FBXO15: variants seen among roughly 807,000 people sequenced by gnomAD.
FBXO15 encodes F-box protein 15.
A neutral mutation model predicts 49.5 loss-of-function variants in FBXO15; 30 were observed. That is an observed-to-expected ratio of 0.61 (90% confidence interval 0.45 to 0.82). The LOEUF (loss-of-function observed/expected upper bound fraction) is 0.82, where lower values mean the gene tolerates loss of function less well. Ranked by LOEUF, FBXO15 falls within the 40% of genes least tolerant of loss-of-function variation. The pLI is 0.00. For synonymous variants in FBXO15, 250 were observed against 232.7 expected, an observed-to-expected ratio of 1.07 and a Z score of -0.68; for missense variants, 591 against 631.5, an observed-to-expected ratio of 0.94 and a Z score of 0.69.
chr18:74,124,876 A>C (rs1914639815), intron 6 of FBXO15, among the ~76,000 whole-genome samples: 1 of 152,250 alleles, frequency 6.6e-6, no homozygotes, highest in African/African-American at 2.4e-5. Flanking sequence ...GAAACTATGC[A>C]GTTAGTTCCA....
At chr18:74,119,857 G>C (rs1258018137) in intron 8 of FBXO15, among the ~76,000 whole-genome samples, 1 of 152,146 alleles carries the variant, frequency 6.6e-6, no homozygotes, top group African/African-American at 2.4e-5. Flanking sequence ...AGGTTTAAAG[G>C]GGAAGGAGAG....
intron 8 of FBXO15, among the ~76,000 whole-genome samples, chr18:74,120,819 A>G (rs995346181): frequency 2.0e-5 from 3 of 152,126 alleles, no homozygotes; most frequent in African/African-American, 7.2e-5. Flanking sequence ...ATAGAAATCA[A>G]CATGCAAATC....
intron 8 of FBXO15, chr18:74,097,565 G>A (rs372028614): frequency 2.0e-5 from 3 of 152,414 alleles, no homozygotes; most frequent in South Asian, 2.1e-4. Context: ...CTCCATTGAT[G>A]TGGGAACCAC....
At position 74,114,769 on chromosome 18, in the gene FBXO15, G is replaced by T. The variant is rs148121212; in HGVS notation, c.1138+8599C>A. 1.2e-4 allele frequency among the ~76,000 whole-genome samples: 19 copies of T among 152,264 alleles called. No homozygotes were observed. The East Asian group carries it at 2.3e-3, about 19-fold the overall frequency. On this transcript the variant is annotated intron_variant, in intron 8 of 9. Coordinates refer to ENST00000419743, the MANE Select transcript of FBXO15 (RefSeq NM_001142958.2). ...GGGATCATACATTTTTCTTTGAAAA[G>T]AAATTAGATCCTTTTTAAAATTTTC...
At chr18:74,090,007 A>T in intron 8 of FBXO15, among the ~76,000 whole-genome samples, 1 of 152,040 alleles carries the variant, frequency 6.6e-6, no homozygotes, top group African/African-American at 2.4e-5. Flanking sequence ...GCTCTTCTTT[A>T]TACAGCTGGT....
intron 8 of FBXO15, among the ~76,000 whole-genome samples, chr18:74,118,170 GTAT>G (rs1914314548): frequency 1.3e-5 from 2 of 151,820 alleles, no homozygotes; most frequent in Non-Finnish European, 2.9e-5. Flanking sequence ...GCTAATTTTT[GTAT>G]TTTTTTGTAG....
At chr18:74,085,587 C>T (rs1016055279) in intron 8 of FBXO15, among the ~76,000 whole-genome samples, 3 of 152,040 alleles carry the variant, frequency 2.0e-5, no homozygotes, top group Non-Finnish European at 4.4e-5. Flanking sequence ...AGTGAGACTC[C>T]GTCTCAAAAC....
chr18:74,130,411 C>A lies in FBXO15; in HGVS notation c.575+5G>T, dbSNP rs972897431. On this transcript the variant is annotated splice_donor_5th_base_variant and intron_variant, in intron 4 of 9. Coordinates refer to ENST00000419743, the MANE Select transcript of FBXO15 (RefSeq NM_001142958.2). ...CATCATTCTCTTTTGGAACACACTG[C>A]GTACCTGAGGGCCTCTTTGGTCTTA... is the stretch of plus-strand genomic sequence containing the variant. The A allele has an allele frequency of 6.2e-7, 1 of 1,613,792 alleles. No individual in the cohort carries two copies. Among genetic ancestry groups the A allele is most frequent in the African/African-American group, 1.3e-5 (1 of 74,876 alleles).
At chr18:74,144,077 A>G (rs1979253340) in intron 1 of FBXO15, among the ~76,000 whole-genome samples, 1 of 152,258 alleles carries the variant, frequency 6.6e-6, no homozygotes, top group African/African-American at 2.4e-5. Flanking sequence ...ATAACTGAGA[A>G]AGCAGGTTAT....
intron 7 of FBXO15, 145 bp from the exon 8 acceptor site, chr18:74,123,655 C>A: frequency 1.1e-6 from 1 of 888,646 alleles, no homozygotes; most frequent in Non-Finnish European, 1.7e-6. Context: ...CTATAATCTT[C>A]AATACTGTGA....
At chr18:74,123,809 G>T (rs959141665) in intron 7 of FBXO15, among the ~76,000 whole-genome samples, 3 of 152,070 alleles carry the variant, frequency 2.0e-5, no homozygotes, top group African/African-American at 7.2e-5. Flanking sequence ...AAGCCACTCT[G>T]CCCTCCGTGT....
intron 8 of FBXO15, among the ~76,000 whole-genome samples, chr18:74,117,689 G>T (rs1599166272): frequency 6.6e-6 from 1 of 152,070 alleles, no homozygotes; most frequent in East Asian, 1.9e-4. Flanking sequence ...CACAGCTCAG[G>T]CGTGCTGTGA....
At chr18:74,094,953 C>T (rs995601168) in intron 8 of FBXO15, among the ~76,000 whole-genome samples, 11 of 152,234 alleles carry the variant, frequency 7.2e-5, no homozygotes, top group African/African-American at 2.7e-4. Flanking sequence ...GCTGCAACTT[C>T]CCCTCAGCAC....
At chr18:74,078,717 G>A (rs561128464) in intron 9 of FBXO15, 4 of 152,196 alleles carry the variant, frequency 2.6e-5, no homozygotes, top group Non-Finnish European at 5.9e-5. Context: ...CACCCTGAAC[G>A]TCCAGGAGGC....
chr18:74,081,502 G>A (rs1912495015), intron 9 of FBXO15, among the ~76,000 whole-genome samples: 2 of 152,200 alleles, frequency 1.3e-5, no homozygotes, highest in African/African-American at 4.8e-5. Context: ...CCTATATCCT[G>A]GACTAAGAAT....
intron 5 of FBXO15, among the ~76,000 whole-genome samples, chr18:74,128,580 A>C (rs923378566): frequency 6.6e-6 from 1 of 152,252 alleles, no homozygotes; most frequent in Non-Finnish European, 1.5e-5. Context: ...ACGCAGGAGA[A>C]GGCAGGTATT....
At position 74,103,453 on chromosome 18, in the gene FBXO15, T is replaced by C. The variant is rs184077425; in HGVS notation, c.1138+19915A>G. 1.2e-3 allele frequency among the ~76,000 whole-genome samples: 184 copies of C among 151,630 alleles called. 1 individual carries two copies. Among genetic ancestry groups the C allele is most frequent in the Middle Eastern group, 6.8e-3 (2 of 294 alleles). ...TGAGCAAGAACAAGTAGTAGAAATC[T>C]TACTCAAATAAATAATAACAGAAAA... On this transcript the variant is annotated intron_variant, in intron 8 of 9. Transcript: ENST00000419743.
At chr18:74,143,430 C>T (rs1385141227) in intron 1 of FBXO15, among the ~76,000 whole-genome samples, 1 of 152,102 alleles carries the variant, frequency 6.6e-6, no homozygotes, top group Non-Finnish European at 1.5e-5. Context: ...TCATTTACTG[C>T]CCGTAAGACA....
chr18:74,116,483 T>C (rs904520433), intron 8 of FBXO15, among the ~76,000 whole-genome samples: 2 of 152,000 alleles, frequency 1.3e-5, no homozygotes, highest in Non-Finnish European at 2.9e-5. Flanking sequence ...AAAAATAGAA[T>C]CCTGGAAATG....
Sources: allele counts gnomAD v4.1 joint callset (sites outside exome capture counted in the v4.1 genomes callset), GRCh38; gene constraint gnomAD v4.1.1; transcripts MANE v1.5; gene names NCBI Gene and HGNC (gene_info 2026-07-23, HGNC 2026-07-21).